ST18: variants seen among roughly 807,000 people sequenced by gnomAD.
ST18 encodes suppression of tumorigenicity 18 protein.
A neutral mutation model predicts 110.0 loss-of-function variants in ST18; 50 were observed. The ratio of observed to expected loss-of-function variants is 0.45; its 90% CI spans 0.36 to 0.58. ST18 has a LOEUF of 0.58. Among genes scored for constraint, ST18 ranks in the 20% least tolerant of loss-of-function variants. ST18 has a pLI of 0.00. For synonymous variants in ST18, 461 were observed against 452.4 expected (o/e 1.02, Z -0.24); for missense variants, 1,306 against 1,280.1 (o/e 1.02, Z -0.31).
At chr8:52,214,059 G>C (rs2083196786) in intron 7 of ST18, 144 bp downstream of exon 7, 1 of 809,398 alleles carries the variant, frequency 1.2e-6, no homozygotes, top group Non-Finnish European at 1.9e-6. Context: ...TCCGTGCCAA[G>C]AGCCAGTGTC....
chr8:52,377,213 C>T (rs1320232533), intron 2 of ST18, among the ~76,000 whole-genome samples: 4 of 152,130 alleles, frequency 2.6e-5, no homozygotes, highest in African/African-American at 4.8e-5. Context: ...ATTATATTAC[C>T]TAAATGCTGG....
At chr8:52,125,998 G>T (rs2131184023) in intron 23 of ST18, 54 bp downstream of exon 23, 1 of 1,431,148 alleles carries the variant, frequency 7.0e-7, no homozygotes, top group Non-Finnish European at 9.7e-7. Context: ...ACGCTTTGGG[G>T]AGCCAGGGTC....
chr8:52,346,665 T>C (rs575973512), intron 2 of ST18, among the ~76,000 whole-genome samples: 9 of 152,346 alleles, frequency 5.9e-5, no homozygotes, highest in Middle Eastern at 3.4e-3. Flanking sequence ...GTTAGTAGAA[T>C]AGTACCTTAA....
chr8:52,169,295 A>AT (rs1445817541), intron 10 of ST18, among the ~76,000 whole-genome samples: 7 of 152,158 alleles, frequency 4.6e-5, no homozygotes, highest in Non-Finnish European at 1.0e-4. Context: ...GGGTGACCTT[A>AT]TACTCTGGTG....
chr8:52,285,985 C>T (rs10504142), intron 2 of ST18, among the ~76,000 whole-genome samples: 5,875 of 152,278 alleles, frequency 0.039, 400 homozygotes, highest in African/African-American at 0.13. Flanking sequence ...GCTACTGCTC[C>T]TACTACCATT....
chr8:52,314,042 A>T (rs1163067993), intron 2 of ST18, among the ~76,000 whole-genome samples: 3 of 151,800 alleles, frequency 2.0e-5, no homozygotes, highest in East Asian at 1.9e-4. Context: ...CCAAGGCCAG[A>T]CTCTTCCCTG....
At chr8:52,182,436 T>C (rs2070139983) in intron 8 of ST18, among the ~76,000 whole-genome samples, 1 of 152,214 alleles carries the variant, frequency 6.6e-6, no homozygotes, top group Non-Finnish European at 1.5e-5. Context: ...ATGTGGTGCA[T>C]ACATACAATG....
intron 25 of ST18, 124 bp from the exon 26 acceptor site, chr8:52,113,462 G>T (rs1302066263): frequency 9.3e-7 from 1 of 1,070,160 alleles, no homozygotes. Context: ...GCATATGACT[G>T]CTGGGGTTGC....
chr8:52,407,242 AATGTAGAGTATCACGTGTTTTATT>A (rs1233755405), intron 2 of ST18: 1 of 152,234 alleles, frequency 6.6e-6, no homozygotes, highest in East Asian at 1.9e-4. Context: ...ATGTATGTCC[AATGTAGAGTATCACGTGTTTTATT>A]ATAAAACAAA....
chr8:52,366,570 A>C (rs1300566277), intron 2 of ST18, among the ~76,000 whole-genome samples: 1 of 152,170 alleles, frequency 6.6e-6, no homozygotes, highest in Non-Finnish European at 1.5e-5. Context: ...TGCCTGGGAC[A>C]GTCACACAAT....
chr8:52,162,700 C>T (rs892310932), intron 13 of ST18, among the ~76,000 whole-genome samples: 8 of 152,126 alleles, frequency 5.3e-5, no homozygotes, highest in Non-Finnish European at 5.9e-5. Context: ...ACAAGGGCAT[C>T]AGATTTGTGT....
In ST18 at chr8:52,374,526, CATTTT is replaced by C. The variant is rs1304340173; in HGVS notation, c.-465+34797_-465+34801del. On this transcript the variant is annotated intron_variant, in intron 2 of 25. Coordinates refer to ENST00000689386, the MANE Select transcript of ST18 (RefSeq NM_001352837.2). ...TATTTTATTTTATTTCATTTCATTT[CATTTT>C]ATTTTATTTTTTATGTTCCAGGGTA... is the stretch of plus-strand genomic sequence containing the variant. Among the ~76,000 whole-genome samples, 36 of 152,266 alleles carry C rather than the reference CATTTT, an allele frequency of 2.4e-4. 1 individual carries two copies. Among genetic ancestry groups the C allele is most frequent in the South Asian group, 1.9e-3 (9 of 4,814 alleles).
At chr8:52,350,697 C>G (rs1220619905) in intron 2 of ST18, among the ~76,000 whole-genome samples, 1 of 152,004 alleles carries the variant, frequency 6.6e-6, no homozygotes, top group Non-Finnish European at 1.5e-5. Context: ...ACAATACTCA[C>G]CTCTCGTGTC....
chr8:52,349,860 G>A (rs937324201), intron 2 of ST18, among the ~76,000 whole-genome samples: 1 of 152,138 alleles, frequency 6.6e-6, no homozygotes, highest in African/African-American at 2.4e-5. Context: ...GCAGAGCAAG[G>A]AGGGAGAGTA....
chr8:52,130,114 G>GAAAAGAAAGAAAGAAAGA (rs746350824), intron 22 of ST18, among the ~76,000 whole-genome samples: 1 of 109,636 alleles, frequency 9.1e-6, no homozygotes, highest in African/African-American at 3.4e-5. Context: ...AAGAAAGAAA[G>GAAAAGAAAGAAAGAAAGA]AAAGAAAAGA....
At chr8:52,314,075 C>A (rs1464536048) in intron 2 of ST18, among the ~76,000 whole-genome samples, 1 of 152,214 alleles carries the variant, frequency 6.6e-6, no homozygotes, top group Non-Finnish European at 1.5e-5. Context: ...GATAACAGCA[C>A]CACAGGGGTA....
chr8:52,200,375 C>T (rs2077549566), intron 8 of ST18, among the ~76,000 whole-genome samples: 1 of 152,190 alleles, frequency 6.6e-6, no homozygotes, highest in Non-Finnish European at 1.5e-5. Flanking sequence ...AAACCTGGTG[C>T]AAGTGAGCAT....
At chr8:52,259,368 G>A (rs760994932) in intron 2 of ST18, among the ~76,000 whole-genome samples, 16 of 152,080 alleles carry the variant, frequency 1.1e-4, no homozygotes, top group South Asian at 8.3e-4. Flanking sequence ...CCAATCAACC[G>A]CTAGACATAA....
chr8:52,286,517 C>T lies in ST18; in HGVS notation c.-464-56440G>A, dbSNP rs1327259256. On this transcript the variant is annotated intron_variant, in intron 2 of 25. Coordinates refer to ENST00000689386, the MANE Select transcript of ST18 (RefSeq NM_001352837.2). ...TTCACATAAGTAAAAAACATTCTTA[C>T]CATCATTATGATCATCTCCTTTATT... Among the ~76,000 whole-genome samples the T allele has an allele frequency of 2.6e-5, 4 of 152,028 alleles. No homozygotes were observed. The East Asian group carries it at 7.7e-4, about 29-fold the overall frequency.
Sources: gnomAD v4.1 joint callset for allele counts (sites outside exome capture counted in the v4.1 genomes callset) on GRCh38, gnomAD v4.1.1 for gene constraint, MANE v1.5 for transcripts, NCBI Gene and HGNC (gene_info 2026-07-23, HGNC 2026-07-21) for gene names.